The following CRMP1 variants were observed in gnomAD, a reference collection of about 807,000 sequenced individuals.
CRMP1 encodes the protein dihydropyrimidinase-related protein 1.
In CRMP1, 19 loss-of-function variants were observed where a neutral mutation model predicts 68.3. That is an observed-to-expected ratio of 0.28 (90% CI 0.19 to 0.41). The LOEUF (loss-of-function observed/expected upper bound fraction) is 0.41, where lower values mean the gene tolerates loss of function less well. Among genes scored for constraint, CRMP1 ranks in the 10% least tolerant of loss-of-function variants. The pLI, the probability that CRMP1 is intolerant of heterozygous loss-of-function variation, is 1.00. For missense variants in CRMP1, 791 were observed against 967.4 expected, an observed-to-expected ratio of 0.82 and a Z score of 2.42; for synonymous variants, 439 against 399.6, an observed-to-expected ratio of 1.10 and a Z score of -1.18.
At chr4:5,846,654 G>GATCTC (rs776875585) in intron 6 of CRMP1, among the ~76,000 whole-genome samples, 1 of 150,442 alleles carries the variant, frequency 6.6e-6, no homozygotes, top group Non-Finnish European at 1.5e-5. Context: ...GTAGTGGCGT[G>GATCTC]ATCTCATCTC....
Position 5,865,393 on chromosome 4 carries a change from G to A in CRMP1, c.470+1275C>T, listed in dbSNP as rs1380021410. Among the ~76,000 whole-genome samples the A allele has an allele frequency of 1.3e-5, 2 of 152,004 alleles. No homozygotes were observed. The highest frequency in any genetic ancestry group is 6.5e-5 in the Admixed American group (1 of 15,276). ...TCCCAGCACTTTGGGAGGCCGAGGC[G>A]AGCGGATCACGAGGTCAGGAGATCG... On this transcript the variant is annotated intron_variant, in intron 2 of 13. Transcript: ENST00000324989. This position sits in a 1 kb window ranked among gnomAD's most constrained non-coding sequence, Gnocchi z 4.1.
chr4:5,877,613 C>T lies in CRMP1; in HGVS notation c.382-10857G>A, dbSNP rs142921286. 1.4e-3 allele frequency among the ~76,000 whole-genome samples: 215 copies of T among 152,352 alleles called. No individual in the cohort carries two copies. Among genetic ancestry groups the T allele is most frequent in the African/African-American group, 4.8e-3 (199 of 41,588 alleles). Reference sequence around the variant, plus strand: ...GGAATGCAACCCACGAAGTGGCAACCGGTATGAGCCTGAATCTAATTAACA... The same window carrying T: ...GGAATGCAACCCACGAAGTGGCAACTGGTATGAGCCTGAATCTAATTAACA... On this transcript the variant is annotated intron_variant, in intron 1 of 13. Coordinates refer to ENST00000324989, the MANE Select transcript of CRMP1 (RefSeq NM_001014809.3). This position sits in a 1 kb window ranked among gnomAD's most constrained non-coding sequence, Gnocchi z 4.3.
chr4:5,826,018 C>G (rs1399914753), intron 12 of CRMP1: 1 of 313,868 alleles, frequency 3.2e-6, no homozygotes, highest in Non-Finnish European at 5.9e-6. Context: ...CGCACACACA[C>G]TTAAATCACA....
chr4:5,838,908 T>TGGA lies in CRMP1; in HGVS notation c.1310+613_1310+614insTCC. Among the ~76,000 whole-genome samples the TGGA allele has an allele frequency of 6.6e-6, 1 of 152,234 alleles. No homozygotes were observed. Among genetic ancestry groups the TGGA allele is most frequent in the African/African-American group, 2.4e-5 (1 of 41,556 alleles). On this transcript the variant is annotated intron_variant, in intron 9 of 13. Transcript: ENST00000324989. This position sits in a 1 kb window ranked among gnomAD's most constrained non-coding sequence, Gnocchi z 4.9. ...CCTCCCGGTGGGTTCTGAGCATGCG[T>TGGA]CTCTGCTTCCAGAGCGGCCTGGACA...
chr4:5,875,752 C>CAGAG (rs1049082805), intron 1 of CRMP1, among the ~76,000 whole-genome samples: 2 of 152,024 alleles, frequency 1.3e-5, no homozygotes, highest in African/African-American at 4.8e-5. Context: ...GACATGGACA[C>CAGAG]AGAGACCGTG....
At chr4:5,852,864 C>T (rs1484105541) in intron 4 of CRMP1, among the ~76,000 whole-genome samples, 4 of 152,118 alleles carry the variant, frequency 2.6e-5, no homozygotes, top group Non-Finnish European at 1.5e-5. Context: ...TACAGCTCAG[C>T]ACGAACAGGA....
At chr4:5,828,744 C>A in intron 11 of CRMP1, 76 bp from the exon 12 acceptor site, 1 of 1,520,710 alleles carries the variant, frequency 6.6e-7, no homozygotes, top group African/African-American at 1.4e-5. Context: ...GCGATTTTGC[C>A]TAACATTATA....
chr4:5,839,608 G>A lies in CRMP1; in HGVS notation c.1224C>T (p.Asn408=). 6.2e-7 allele frequency: 1 copy of A among 1,613,212 alleles called. No homozygotes were observed. Among genetic ancestry groups the A allele is most frequent in the Non-Finnish European group, 8.5e-7 (1 of 1,179,592 alleles). The change falls in exon 9 of 14, where the codon AAC becomes AAT. Residue 408 remains asparagine, a synonymous_variant. Coordinates refer to ENST00000324989, the MANE Select transcript of CRMP1 (RefSeq NM_001014809.3). ...TCACGAACGCCGCAGCCTTGGCCCA[G>A]TTCTTGCTCCAGTAATGGGTGCCAT... ...GTDGTHYWSK[N]WAKAAAFVTS...
rs1003317340 is a variant in CRMP1, at chr4:5,838,980, C to A, written c.1310+542G>T. Among the ~76,000 whole-genome samples the A allele has an allele frequency of 3.0e-4, 45 of 152,322 alleles. No individual in the cohort carries two copies. The highest frequency in any genetic ancestry group is 9.9e-4 in the African/African-American group (41 of 41,564). On this transcript the variant is annotated intron_variant, in intron 9 of 13. Coordinates refer to ENST00000324989, the MANE Select transcript of CRMP1 (RefSeq NM_001014809.3). This position sits in a 1 kb window ranked among gnomAD's most constrained non-coding sequence, Gnocchi z 4.9. ...TGCTATTGCTAAGTGCTCTTCCCTC[C>A]TGGTGGCTAACAGAAGGGAAGGGGC...
chr4:5,833,055 G>A (rs1451378252), intron 11 of CRMP1, among the ~76,000 whole-genome samples: 1 of 152,166 alleles, frequency 6.6e-6, no homozygotes, highest in Non-Finnish European at 1.5e-5. Context: ...TACTGCTGGG[G>A]ACGTCAGACG....
At position 5,855,616 on chromosome 4, in the gene CRMP1, C is replaced by T. The variant is rs2152465372; in HGVS notation, c.820+527G>A. Among the ~76,000 whole-genome samples, 1 of 152,324 alleles carries T rather than the reference C, an allele frequency of 6.6e-6. No homozygotes were observed. The highest frequency in any genetic ancestry group is 2.1e-4 in the South Asian group (1 of 4,824). On this transcript the variant is annotated intron_variant, in intron 4 of 13. Transcript: ENST00000324989. This position sits in a 1 kb window ranked among gnomAD's most constrained non-coding sequence, Gnocchi z 4.9. ...GGGTTTGGCAGAAGAGCCAGACAGA[C>T]AAACCATGTCCCATAATCCAGGAAC...
chr4:5,839,720 C>T (rs746318573), intron 8 of CRMP1, 42 bp from the exon 9 acceptor site: 6 of 1,566,618 alleles, frequency 3.8e-6, no homozygotes, highest in Non-Finnish European at 4.3e-6. Flanking sequence ...AGCAAATACT[C>T]TCTTGAGGCA....
rs1715350725 is a variant in CRMP1, at chr4:5,883,395, G to A, written c.381+9194C>T. Reference sequence around the variant, plus strand: ...GCTCACTGCAACCTCTGCCTCCCAGGTTCAAGCAATTTCTCCTGCCTCAGC... The same window carrying A: ...GCTCACTGCAACCTCTGCCTCCCAGATTCAAGCAATTTCTCCTGCCTCAGC... On this transcript the variant is annotated intron_variant, in intron 1 of 13. Transcript: ENST00000324989. The surrounding 1 kb of genome is among the most constrained non-coding windows in gnomAD (Gnocchi z 4.5). Among the ~76,000 whole-genome samples the A allele has an allele frequency of 6.6e-6, 1 of 151,916 alleles. No individual in the cohort carries two copies. The highest frequency in any genetic ancestry group is 1.5e-5 in the Non-Finnish European group (1 of 67,988).
At chr4:5,869,159 C>T (rs1002385596) in intron 1 of CRMP1, among the ~76,000 whole-genome samples, 1 of 152,072 alleles carries the variant, frequency 6.6e-6, no homozygotes, top group African/African-American at 2.4e-5. Context: ...CAGTGTGTTG[C>T]CCAGACTGGT....
In CRMP1 at chr4:5,883,010, A is replaced by AT. The variant is rs1715311649; in HGVS notation, c.381+9578dup. The stretch of plus-strand genomic sequence containing the variant: ...ATAGAATCCCCCCATAGCCCCACCC[A>AT]TTCACATGTATTTCCACTTCTGCGT... On this transcript the variant is annotated intron_variant, in intron 1 of 13. Transcript: ENST00000324989. This position sits in a 1 kb window ranked among gnomAD's most constrained non-coding sequence, Gnocchi z 4.5. Among the ~76,000 whole-genome samples, 2 of 152,022 alleles carry AT rather than the reference A, an allele frequency of 1.3e-5. No homozygotes were observed. Among genetic ancestry groups the AT allele is most frequent in the African/African-American group, 2.4e-5 (1 of 41,398 alleles).
Position 5,841,335 on chromosome 4 carries a change from C to T in CRMP1, c.1126G>A (p.Asp376Asn), listed in dbSNP as rs372823825. Residue 376 changes from aspartate (D) to asparagine (N), a missense_variant, in exon 8 of 14, where the codon GAC becomes AAC. This residue lies in a region of CRMP1 where 594 missense variants were observed against 763.6 expected (regional missense o/e 0.78). Transcript: ENST00000324989. This position sits in a 1 kb window ranked among gnomAD's most constrained non-coding sequence, Gnocchi z 6.9. ...ITKVMSKSAA[D>N]IIALARKKGP... ...TTCTTCCTGGCCAGAGCGATGATGT[C>T]GGCTGCACTCTTGCTCATGACCTTG... 57 of 1,613,872 alleles carry T rather than the reference C, an allele frequency of 3.5e-5. No individual in the cohort carries two copies. Among genetic ancestry groups the T allele is most frequent in the East Asian group, 4.5e-5 (2 of 44,860 alleles).
intron 4 of CRMP1, among the ~76,000 whole-genome samples, chr4:5,851,879 A>AGGAG (rs879273402): frequency 0.03 from 3,768 of 124,182 alleles, 53 homozygotes; most frequent in South Asian, 0.053. Flanking sequence ...AGGAAGAGGA[A>AGGAG]GAGGAAGAGG....
chr4:5,821,872 C>G lies in CRMP1; in HGVS notation c.1970-21G>C, dbSNP rs763767778. ...GGCACCTGAAAGAGAGCGCCAATCG[C>G]TGCTGGATGGGATCTGTTAGCATCA... On this transcript the variant is annotated intron_variant, in intron 13 of 13. Coordinates refer to ENST00000324989, the MANE Select transcript of CRMP1 (RefSeq NM_001014809.3). The surrounding 1 kb of genome is among the most constrained non-coding windows in gnomAD (Gnocchi z 4.4). The G allele has an allele frequency of 1.9e-6, 3 of 1,541,144 alleles. No individual in the cohort carries two copies. The East Asian group carries it at 6.8e-5, about 35-fold the overall frequency.
chr4:5,887,855 A>G, intron 1 of CRMP1: 1 of 992,510 alleles, frequency 1.0e-6, no homozygotes, highest in South Asian at 4.7e-5. Context: ...GGCTCAGCTC[A>G]CCCTCCCACC....
Sources: gnomAD v4.1 joint callset for allele counts (sites outside exome capture counted in the v4.1 genomes callset) on GRCh38, gnomAD v4.1.1 for gene constraint, gnomAD v4.1.1 regional missense constraint, Gnocchi (gnomAD v3.1) non-coding constraint, MANE v1.5 for transcripts, NCBI Gene and HGNC (gene_info 2026-07-23, HGNC 2026-07-21) for gene names.